FBLN2: variants seen among roughly 807,000 people sequenced by gnomAD.
The protein encoded by FBLN2 is fibulin-2.
A neutral mutation model predicts 123.7 loss-of-function variants in FBLN2; 81 were observed. The observed-to-expected ratio is 0.65, with a 90% confidence interval of 0.55 to 0.79. The LOEUF (loss-of-function observed/expected upper bound fraction) is 0.79, where lower values mean the gene tolerates loss of function less well. Among genes scored for constraint, FBLN2 ranks in the 30% least tolerant of loss-of-function variants. The pLI is 0.00. For synonymous variants in FBLN2, 699 were observed against 701.4 expected (o/e 1.00, Z 0.05); for missense variants, 1,603 against 1,681.3 (o/e 0.95, Z 0.81).
chr3:13,609,853 A>G (rs1705332659), intron 4 of FBLN2, among the ~76,000 whole-genome samples: 1 of 152,262 alleles, frequency 6.6e-6, no homozygotes, highest in African/African-American at 2.4e-5. Context: ...GAATATTTGT[A>G]GAGCACCACT....
At chr3:13,618,010 G>A (rs1705694177) in intron 5 of FBLN2, 66 bp from the exon 6 acceptor site, 1 of 1,471,960 alleles carries the variant, frequency 6.8e-7, no homozygotes, top group Non-Finnish European at 9.4e-7. Context: ...GTTTCCCAAA[G>A]CTGGTTGTCT....
At chr3:13,624,951 C>T (rs1368809975) in intron 9 of FBLN2, among the ~76,000 whole-genome samples, 1 of 151,558 alleles carries the variant, frequency 6.6e-6, no homozygotes, top group Non-Finnish European at 1.5e-5. Context: ...GGCCCCTGGG[C>T]AGTTCCTGAG....
At chr3:13,578,793 G>A (rs1015606594) in intron 2 of FBLN2, among the ~76,000 whole-genome samples, 15 of 152,300 alleles carry the variant, frequency 9.8e-5, no homozygotes, top group Admixed American at 2.6e-4. Context: ...GGTGGCTCAC[G>A]CCTGTAATCC....
chr3:13,625,573 C>T (rs1706008834), intron 9 of FBLN2, among the ~76,000 whole-genome samples: 1 of 152,148 alleles, frequency 6.6e-6, no homozygotes, highest in South Asian at 2.1e-4. Context: ...AGCCGGCCCT[C>T]ACTGCCACCT....
In FBLN2 at chr3:13,552,288, G is replaced by A. The variant is rs189497546; in HGVS notation, c.-42+3080G>A. ...CTTGGATTAGGGCAGTGGCAGCATT[G>A]GAGGTGAGAGTGGTCAGATTTGGAC... On this transcript the variant is annotated intron_variant, in intron 1 of 17. Coordinates refer to ENST00000404922, the MANE Select transcript of FBLN2 (RefSeq NM_001004019.2). Among the ~76,000 whole-genome samples, 8 of 152,292 alleles carry A rather than the reference G, an allele frequency of 5.3e-5. No individual in the cohort carries two copies. In the East Asian group the frequency reaches 1.5e-3, roughly 29 times the overall value.
intron 2 of FBLN2, among the ~76,000 whole-genome samples, chr3:13,596,620 T>C (rs1704848499): frequency 6.6e-6 from 1 of 152,210 alleles, no homozygotes; most frequent in African/African-American, 2.4e-5. Context: ...ATAAATTACA[T>C]CCACCTCGTT....
chr3:13,596,474 A>G (rs544827158), intron 2 of FBLN2, among the ~76,000 whole-genome samples: 1 of 152,242 alleles, frequency 6.6e-6, no homozygotes, highest in African/African-American at 2.4e-5. Context: ...TCATGGGAGC[A>G]TCTCATCTAT....
intron 5 of FBLN2, among the ~76,000 whole-genome samples, chr3:13,615,535 C>T (rs1011152332): frequency 6.6e-6 from 1 of 152,214 alleles, no homozygotes; most frequent in Admixed American, 6.5e-5. Flanking sequence ...GGGCAGGTCA[C>T]ACAGAAGGAA....
At chr3:13,620,252 G>A (rs993946207) in intron 8 of FBLN2, among the ~76,000 whole-genome samples, 15 of 152,174 alleles carry the variant, frequency 9.9e-5, no homozygotes, top group African/African-American at 3.1e-4. Flanking sequence ...AAGGTGATAC[G>A]GATGCTGCTG....
At position 13,571,042 on chromosome 3, in the gene FBLN2, A is replaced by G. The variant is rs1266538584; in HGVS notation, c.687A>G (p.Pro229=). Residue 229 remains proline (P), a synonymous_variant, in exon 2 of 18, where the codon CCA becomes CCG. Coordinates refer to ENST00000404922, the MANE Select transcript of FBLN2 (RefSeq NM_001004019.2). ...TCCAGGCAGGCGCAGGGGGCCCCCC[A>G]GCTGCTCTGGGAGGTGGGAGTCAGC... ...GAVQAGAGGP[P]AALGGGSQPL... is the part of the protein sequence containing the mutation. The G allele has an allele frequency of 6.4e-7, 1 of 1,567,534 alleles. No homozygotes were observed.
In FBLN2 at chr3:13,619,763, T is replaced by C. The variant is rs748985087; in HGVS notation, c.2087T>C (p.Val696Ala). 1.2e-5 allele frequency: 19 copies of C among 1,613,164 alleles called. No homozygotes were observed. Among genetic ancestry groups the C allele is most frequent in the Non-Finnish European group, 1.6e-5 (19 of 1,179,564 alleles). The change falls in exon 8 of 18, where the codon GTT becomes GCT. Residue 696 changes from valine to alanine, a missense_variant. Physicochemically the swap from Val to Ala is moderately conservative, Grantham distance 64. Transcript: ENST00000404922. ...CCCTGCAAGCAGGTGTGCAGCACTG[T>C]TGGGGGCTCAGCCATATGCTCCTGT... ...NGPCKQVCSTVGGSAICSCFP... is the reference protein window; with the variant it reads ...NGPCKQVCSTAGGSAICSCFP...
intron 2 of FBLN2, among the ~76,000 whole-genome samples, chr3:13,598,602 A>G (rs1164285425): frequency 6.6e-6 from 1 of 152,186 alleles, no homozygotes; most frequent in Non-Finnish European, 1.5e-5. Context: ...CAGGGAGATC[A>G]TCCCACCGAC....
intron 16 of FBLN2, among the ~76,000 whole-genome samples, chr3:13,632,599 G>A (rs919701495): frequency 2.0e-5 from 3 of 152,238 alleles, no homozygotes; most frequent in Non-Finnish European, 4.4e-5. Flanking sequence ...ATAGGGCAGA[G>A]TGGAGTGGCG....
chr3:13,562,185 G>A (rs537310572), intron 1 of FBLN2, among the ~76,000 whole-genome samples: 8 of 152,290 alleles, frequency 5.3e-5, no homozygotes, highest in Non-Finnish European at 8.8e-5. Context: ...CTGCCAGGAA[G>A]CATACTGCTA....
chr3:13,613,421 A>G (rs181563663), intron 4 of FBLN2, among the ~76,000 whole-genome samples: 70 of 152,368 alleles, frequency 4.6e-4, no homozygotes, highest in Middle Eastern at 3.4e-3. Context: ...GGGCTAGCGT[A>G]GATCTACATC....
chr3:13,614,248 A>T (rs544925500), intron 5 of FBLN2, 84 bp downstream of exon 5: 9 of 1,361,502 alleles, frequency 6.6e-6, no homozygotes, highest in Non-Finnish European at 9.0e-6. Flanking sequence ...TGGGTCCATC[A>T]TCACCTGTGG....
intron 1 of FBLN2, among the ~76,000 whole-genome samples, chr3:13,560,950 TAC>T (rs150201588): frequency 0.011 from 1,701 of 151,894 alleles, 36 homozygotes; most frequent in African/African-American, 0.039. Context: ...AGTAGCTAGA[TAC>T]AGAGTCTCTT....
chr3:13,614,576 G>GTCCA lies in FBLN2; in HGVS notation c.1729+441_1729+444dup, dbSNP rs747826390. 7.7e-3 allele frequency among the ~76,000 whole-genome samples: 1,101 copies of GTCCA among 142,916 alleles called. 3 individuals are homozygous for GTCCA. Among genetic ancestry groups the GTCCA allele is most frequent in the Non-Finnish European group, 0.012 (767 of 66,250 alleles). The allele number at this position is 142,916 out of a possible 152,430, so 93.8% of individuals were successfully genotyped here. On this transcript the variant is annotated intron_variant, in intron 5 of 17. Transcript: ENST00000404922. ...TCATTCATCCTCTATCCCATCATCTGTCCATCCATCCATCCATCCATCCAT... is the reference window on the plus strand; with the variant it reads ...TCATTCATCCTCTATCCCATCATCTGTCCATCCATCCATCCATCCATCCATCCAT...
intron 2 of FBLN2, among the ~76,000 whole-genome samples, chr3:13,594,162 G>T (rs1214187548): frequency 6.6e-6 from 1 of 152,146 alleles, no homozygotes; most frequent in South Asian, 2.1e-4. Flanking sequence ...TGGAAAGCTC[G>T]TAGACCCCAG....
Sources: allele counts gnomAD v4.1 joint callset (sites outside exome capture counted in the v4.1 genomes callset), GRCh38; gene constraint gnomAD v4.1.1; transcripts MANE v1.5; gene names NCBI Gene and HGNC (gene_info 2026-07-23, HGNC 2026-07-21).